The following TMEM74 variants were observed in gnomAD, a reference collection of about 807,000 sequenced individuals.
TMEM74 encodes transmembrane protein 74.
Under a neutral mutation model 18.1 loss-of-function variants are expected in TMEM74, and 13 were observed. The observed-to-expected ratio is 0.72, with a 90% CI of 0.47 to 1.14. The LOEUF (loss-of-function observed/expected upper bound fraction) is 1.14. TMEM74 is among the 50% of genes most tolerant of loss of function. TMEM74 has a pLI of 0.00. For synonymous variants in TMEM74, 159 were observed against 146.6 expected (o/e 1.08, Z -0.61); for missense variants, 372 against 375.9 (o/e 0.99, Z 0.09).
chr8:108,688,342 C>T (rs1019664105), intron 1 of TMEM74, among the ~76,000 whole-genome samples: 1 of 152,198 alleles, frequency 6.6e-6, no homozygotes, highest in South Asian at 2.1e-4. Context: ...TGCCCTTGAG[C>T]GTGTGAGATC....
At chr8:108,680,414 A>G (rs1357985071) in intron 1 of TMEM74, among the ~76,000 whole-genome samples, 1 of 152,196 alleles carries the variant, frequency 6.6e-6, no homozygotes, top group Non-Finnish European at 1.5e-5. Flanking sequence ...AAAGACAAAA[A>G]CCACATGATT....
At chr8:108,620,283 T>G (rs1812426646) in intron 2 of TMEM74, among the ~76,000 whole-genome samples, 1 of 152,108 alleles carries the variant, frequency 6.6e-6, no homozygotes, top group Admixed American at 6.6e-5. Context: ...TGAGTAAAAT[T>G]TTTTGACCAT....
chr8:108,715,164 G>A (rs1403091384), intron 1 of TMEM74, among the ~76,000 whole-genome samples: 1 of 151,288 alleles, frequency 6.6e-6, no homozygotes, highest in African/African-American at 2.4e-5. Flanking sequence ...ATGCCATTTG[G>A]CATATAAACA....
At chr8:108,764,738 G>A (rs1814083560) in intron 1 of TMEM74, among the ~76,000 whole-genome samples, 1 of 152,134 alleles carries the variant, frequency 6.6e-6, no homozygotes, top group South Asian at 2.1e-4. Flanking sequence ...ATTCAAGGAA[G>A]GATAGCTCTT....
intron 2 of TMEM74, chr8:108,652,419 G>T: frequency 6.4e-6 from 2 of 314,342 alleles, no homozygotes; most frequent in South Asian, 4.6e-5. Flanking sequence ...CAGTCACCTG[G>T]AATATCTGAA....
At chr8:108,738,313 T>A (rs1351171980) in intron 1 of TMEM74, among the ~76,000 whole-genome samples, 1 of 152,198 alleles carries the variant, frequency 6.6e-6, no homozygotes, top group Non-Finnish European at 1.5e-5. Context: ...GTCCATTTAG[T>A]GCAGAAACTA....
intron 1 of TMEM74, among the ~76,000 whole-genome samples, chr8:108,737,976 C>T (rs1563539086): frequency 6.6e-6 from 1 of 152,042 alleles, no homozygotes; most frequent in African/African-American, 2.4e-5. Context: ...ACATATAATA[C>T]CTGAATTTTT....
chr8:108,708,049 G>A (rs1270841821), intron 1 of TMEM74, among the ~76,000 whole-genome samples: 1 of 152,064 alleles, frequency 6.6e-6, no homozygotes, highest in Non-Finnish European at 1.5e-5. Context: ...CCCTAAAGTA[G>A]GTACTGTGTC....
chr8:108,616,497 T>G (rs1426740258), intron 2 of TMEM74, among the ~76,000 whole-genome samples: 1 of 152,108 alleles, frequency 6.6e-6, no homozygotes, highest in Non-Finnish European at 1.5e-5. Context: ...AGTGGAAAGG[T>G]TGGGAGAGAT....
chr8:108,712,556 C>G (rs753051978), intron 1 of TMEM74, among the ~76,000 whole-genome samples: 2 of 152,100 alleles, frequency 1.3e-5, no homozygotes, highest in African/African-American at 4.8e-5. Flanking sequence ...GCTCTGAGTA[C>G]GCATATCAGG....
At chr8:108,628,704 C>T (rs1354971212) in intron 2 of TMEM74, among the ~76,000 whole-genome samples, 1 of 152,028 alleles carries the variant, frequency 6.6e-6, no homozygotes, top group African/African-American at 2.4e-5. Flanking sequence ...TGAGAAATTG[C>T]CACACTGTCT....
chr8:108,737,729 T>A (rs1813762594), intron 1 of TMEM74, among the ~76,000 whole-genome samples: 1 of 152,114 alleles, frequency 6.6e-6, no homozygotes, highest in African/African-American at 2.4e-5. Context: ...TAAGACATGA[T>A]ATAATAAAAA....
chr8:108,756,741 AAAGAAGGG>A (rs376674553), intron 1 of TMEM74, among the ~76,000 whole-genome samples: 5 of 55,986 alleles, frequency 8.9e-5, no homozygotes, highest in African/African-American at 3.1e-4. Flanking sequence ...AAAGAGAAAG[AAAGAAGGG>A]AGGGAGGGAG....
intron 2 of TMEM74, chr8:108,608,917 G>A (rs1322942547): frequency 6.6e-6 from 1 of 152,212 alleles, no homozygotes; most frequent in Non-Finnish European, 1.5e-5. Context: ...TGTTTGGCCA[G>A]ATGCATTGTG....
chr8:108,650,990 C>T (rs1054563386), intron 2 of TMEM74, among the ~76,000 whole-genome samples: 12 of 152,094 alleles, frequency 7.9e-5, no homozygotes, highest in East Asian at 1.9e-4. Flanking sequence ...GGATTACAGG[C>T]GTGAGCCACC....
chr8:108,730,875 C>T (rs1161586124), intron 1 of TMEM74, among the ~76,000 whole-genome samples: 2 of 152,122 alleles, frequency 1.3e-5, no homozygotes, highest in East Asian at 3.9e-4. Context: ...TTGTGATCCG[C>T]CCGCCTCGGC....
intron 1 of TMEM74, among the ~76,000 whole-genome samples, chr8:108,722,772 A>AGTG (rs1813598621): frequency 6.6e-6 from 1 of 151,912 alleles, no homozygotes; most frequent in Admixed American, 6.6e-5. Context: ...TGCTTTATTT[A>AGTG]TTGCTGATAC....
intron 1 of TMEM74, among the ~76,000 whole-genome samples, chr8:108,681,524 G>A (rs183670792): frequency 7.2e-5 from 11 of 152,250 alleles, no homozygotes; most frequent in African/African-American, 2.4e-4. Flanking sequence ...ATTCAAGATG[G>A]ATTAAGTTCT....
At chr8:108,757,807 A>G (rs528216095) in intron 1 of TMEM74, among the ~76,000 whole-genome samples, 186 of 152,070 alleles carry the variant, frequency 1.2e-3, no homozygotes, top group African/African-American at 4.4e-3. Flanking sequence ...TTCAAATCAA[A>G]TCAGGAGAAA....
Sources: gnomAD v4.1 joint callset for allele counts (sites outside exome capture counted in the v4.1 genomes callset) on GRCh38, gnomAD v4.1.1 for gene constraint, MANE v1.5 for transcripts, NCBI Gene and HGNC (gene_info 2026-07-23, HGNC 2026-07-21) for gene names.